Variants in SKIC3 observed in about 807,000 individuals in gnomAD.
SKIC3 encodes the protein superkiller complex protein 3.
chr5:95,521,580 C>T, the SKIC3 span: 2 of 152,594 alleles, frequency 1.3e-5, no homozygotes, highest in Non-Finnish European at 1.5e-5. Context: ...ACAATCATTA[C>T]AAATGTAGGT....
chr5:95,494,576 C>G, the SKIC3 span: 1 of 1,202,446 alleles, frequency 8.3e-7, no homozygotes, highest in East Asian at 2.4e-5. Flanking sequence ...CTGGTATAAA[C>G]AATGCCAATA....
the SKIC3 span, among the ~76,000 whole-genome samples, chr5:95,543,799 C>T: frequency 2.0e-5 from 3 of 152,258 alleles, no homozygotes; most frequent in South Asian, 6.2e-4. Context: ...AGATTCACCC[C>T]AGTGCGATTA....
At chr5:95,504,695 C>CT in the SKIC3 span, among the ~76,000 whole-genome samples, 4 of 151,460 alleles carry the variant, frequency 2.6e-5, no homozygotes, top group African/African-American at 9.7e-5. Flanking sequence ...AAATATTATT[C>CT]TTTTTTGTGT....
the SKIC3 span, chr5:95,525,561 T>A: frequency 6.2e-7 from 1 of 1,613,952 alleles, no homozygotes; most frequent in Non-Finnish European, 8.5e-7. Context: ...ACTCAAAAAA[T>A]GCTCAGTTTG....
the SKIC3 span, chr5:95,469,860 A>G: frequency 1.9e-6 from 3 of 1,614,224 alleles, no homozygotes; most frequent in Non-Finnish European, 2.5e-6. Flanking sequence ...TCAAGGCCTC[A>G]GTTGTAGCCT....
chr5:95,502,987 C>T, the SKIC3 span: 1 of 1,614,026 alleles, frequency 6.2e-7, no homozygotes, highest in African/African-American at 1.3e-5. Flanking sequence ...CAACAATAGA[C>T]AAGGCTCTCT....
chr5:95,476,334 G>GATCTGATATCTCACTTTGGA, the SKIC3 span, among the ~76,000 whole-genome samples: 1 of 152,000 alleles, frequency 6.6e-6, no homozygotes, highest in East Asian at 1.9e-4. Context: ...AATCTATCTT[G>GATCTGATATCTCACTTTGGA]ATCTGATATC....
chr5:95,489,666 A>G, the SKIC3 span, among the ~76,000 whole-genome samples: 1 of 152,152 alleles, frequency 6.6e-6, no homozygotes, highest in East Asian at 1.9e-4. Flanking sequence ...AAAGGCAACA[A>G]ATAGAAAATG....
chr5:95,507,022 A>G, the SKIC3 span: 1 of 1,611,018 alleles, frequency 6.2e-7, no homozygotes, highest in Non-Finnish European at 8.5e-7. Flanking sequence ...CTTAAAAAAA[A>G]AAAGGTATTT....
the SKIC3 span, among the ~76,000 whole-genome samples, chr5:95,546,786 G>A: frequency 6.6e-6 from 1 of 152,160 alleles, no homozygotes; most frequent in Non-Finnish European, 1.5e-5. Flanking sequence ...TTAAGATACA[G>A]TAGCATTCCA....
At chr5:95,541,903 AC>A in the SKIC3 span, 3 of 1,608,318 alleles carry the variant, frequency 1.9e-6, no homozygotes, top group Non-Finnish European at 2.6e-6. Flanking sequence ...AAGTTTGCTA[AC>A]CCCTAAAAGA....
At chr5:95,502,535 AAT>A in the SKIC3 span, among the ~76,000 whole-genome samples, 1 of 152,224 alleles carries the variant, frequency 6.6e-6, no homozygotes, top group African/African-American at 2.4e-5. Context: ...GAAAGAAGAA[AAT>A]ATCTCTTTGG....
chr5:95,503,044 C>T, the SKIC3 span: 2 of 1,611,736 alleles, frequency 1.2e-6, no homozygotes, highest in Non-Finnish European at 1.7e-6. Context: ...AATATAAAAG[C>T]CATCCTGATT....
the SKIC3 span, chr5:95,491,161 T>C: frequency 7.3e-7 from 1 of 1,364,596 alleles, no homozygotes; most frequent in Non-Finnish European, 1.0e-6. Flanking sequence ...AATTTCACTT[T>C]CTCAAAGGAA....
the SKIC3 span, among the ~76,000 whole-genome samples, chr5:95,481,451 CT>C: frequency 6.6e-6 from 1 of 152,164 alleles, no homozygotes; most frequent in Non-Finnish European, 1.5e-5. Flanking sequence ...CATTAAACCT[CT>C]TTCTTCTGTA....
At chr5:95,485,606 T>C in the SKIC3 span, among the ~76,000 whole-genome samples, 1 of 152,196 alleles carries the variant, frequency 6.6e-6, no homozygotes, top group Non-Finnish European at 1.5e-5. Flanking sequence ...GGTTTGGGTA[T>C]TAGGGTAATG....
chr5:95,540,216 T>G, the SKIC3 span, among the ~76,000 whole-genome samples: 70 of 152,280 alleles, frequency 4.6e-4, no homozygotes, highest in Non-Finnish European at 9.1e-4. Flanking sequence ...ATGTTCTCAC[T>G]CATACGTGAA....
the SKIC3 span, among the ~76,000 whole-genome samples, chr5:95,495,910 A>G: frequency 6.6e-6 from 1 of 152,354 alleles, no homozygotes; most frequent in East Asian, 1.9e-4. Flanking sequence ...AAAATTGACA[A>G]GATATTAAGG....
At chr5:95,492,027 C>CT in the SKIC3 span, among the ~76,000 whole-genome samples, 2 of 152,132 alleles carry the variant, frequency 1.3e-5, no homozygotes, top group Non-Finnish European at 2.9e-5. Context: ...AGTATTATTG[C>CT]TAAAAGTACA....
Sources: allele counts gnomAD v4.1 joint callset (sites outside exome capture counted in the v4.1 genomes callset), GRCh38; gene constraint gnomAD v4.1.1; transcripts MANE v1.5; gene names NCBI Gene and HGNC (gene_info 2026-07-23, HGNC 2026-07-21).